The following DLC1 variants were observed in gnomAD, a reference collection of about 807,000 sequenced individuals.
DLC1 encodes the protein rho GTPase-activating protein 7.
In DLC1, 54 loss-of-function variants were observed where a neutral mutation model predicts 140.3. The observed-to-expected ratio is 0.38, with a 90% CI of 0.31 to 0.48. The LOEUF (loss-of-function observed/expected upper bound fraction) is 0.48. Ranked by LOEUF, DLC1 falls within the 20% of genes least tolerant of loss-of-function variation. DLC1 has a pLI of 0.96. For missense variants in DLC1, 2,536 were observed against 1,907.0 expected (o/e 1.33, Z -6.14); for synonymous variants, 986 against 728.1 (o/e 1.35, Z -5.70).
chr8:13,304,145 T>C (rs1307615923), intron 5 of DLC1, among the ~76,000 whole-genome samples: 2 of 152,170 alleles, frequency 1.3e-5, no homozygotes, highest in Non-Finnish European at 2.9e-5. Flanking sequence ...ATTCAATATA[T>C]GGTAAATATA....
At chr8:13,284,792 A>G (rs1480020847) in intron 5 of DLC1, among the ~76,000 whole-genome samples, 1 of 152,208 alleles carries the variant, frequency 6.6e-6, no homozygotes, top group Non-Finnish European at 1.5e-5. Context: ...ATGATTAAAA[A>G]TATGAAATAC....
chr8:13,152,249 A>T (rs1310599119), intron 5 of DLC1, among the ~76,000 whole-genome samples: 1 of 152,230 alleles, frequency 6.6e-6, no homozygotes, highest in Non-Finnish European at 1.5e-5. Flanking sequence ...AATGACCCAG[A>T]AGTTACCATC....
At chr8:13,493,491 T>C (rs1393856351) in intron 2 of DLC1, among the ~76,000 whole-genome samples, 4 of 152,206 alleles carry the variant, frequency 2.6e-5, no homozygotes, top group Admixed American at 2.6e-4. Flanking sequence ...ATACAATGTT[T>C]AGTGATCAGA....
intron 5 of DLC1, among the ~76,000 whole-genome samples, chr8:13,292,269 G>C (rs1831784845): frequency 6.6e-6 from 1 of 152,100 alleles, no homozygotes; most frequent in Non-Finnish European, 1.5e-5. Context: ...AGAAAGTCCA[G>C]GCCACTCCCT....
intron 13 of DLC1, 42 bp from the exon 14 acceptor site, chr8:13,091,474 A>G (rs1472843038): frequency 6.5e-7 from 1 of 1,545,276 alleles, no homozygotes; most frequent in African/African-American, 1.4e-5. Flanking sequence ...TCAAATATTT[A>G]TATATTTTTC....
At chr8:13,381,580 C>T (rs1275022178) in intron 4 of DLC1, among the ~76,000 whole-genome samples, 1 of 152,156 alleles carries the variant, frequency 6.6e-6, no homozygotes, top group East Asian at 1.9e-4. Flanking sequence ...TCTGGAGGAA[C>T]AAAGCTTCTA....
intron 5 of DLC1, among the ~76,000 whole-genome samples, chr8:13,164,538 G>A (rs78016006): frequency 6.6e-6 from 1 of 151,952 alleles, no homozygotes; most frequent in Non-Finnish European, 1.5e-5. Context: ...CCCTTTGAAG[G>A]TCCTCTTGGC....
intron 2 of DLC1, among the ~76,000 whole-genome samples, chr8:13,405,528 T>A (rs1286650545): frequency 6.6e-6 from 1 of 151,696 alleles, no homozygotes; most frequent in Non-Finnish European, 1.5e-5. Context: ...CTCCAGGGAG[T>A]TTTTAAAATC....
chr8:13,424,478 G>A (rs1838464535), intron 2 of DLC1, among the ~76,000 whole-genome samples: 1 of 152,086 alleles, frequency 6.6e-6, no homozygotes, highest in Non-Finnish European at 1.5e-5. Context: ...GACAGAGAGA[G>A]ACTCTGTCTC....
At chr8:13,424,013 G>A (rs1033228327) in intron 2 of DLC1, among the ~76,000 whole-genome samples, 2 of 152,114 alleles carry the variant, frequency 1.3e-5, no homozygotes, top group African/African-American at 4.8e-5. Flanking sequence ...TATAAAAATA[G>A]AAAGTAAATT....
At chr8:13,339,173 T>C (rs1833929802) in intron 4 of DLC1, among the ~76,000 whole-genome samples, 1 of 152,210 alleles carries the variant, frequency 6.6e-6, no homozygotes. Flanking sequence ...TCAGTTGCCA[T>C]GAGATTAAAA....
chr8:13,390,804 A>G (rs113583375), intron 4 of DLC1, among the ~76,000 whole-genome samples: 2,479 of 152,124 alleles, frequency 0.016, 90 homozygotes, highest in African/African-American at 0.055. Flanking sequence ...TGGCTAACAC[A>G]GTGAAACCGT....
chr8:13,499,813 C>G lies in DLC1; in HGVS notation c.259G>C (p.Glu87Gln), dbSNP rs75294096. The change falls in exon 2 of 18, where the codon GAA becomes CAA. Residue 87 changes from glutamate (E) to glutamine (Q), a missense_variant. Transcript: ENST00000276297. ...PMGHLSKDVD[E>Q]NDSHEGEDQF... ...TCTTCACCTTCATGGCTGTCATTTT[C>G]GTCCACATCCTTTGAAAGATGACCC... 6.2e-7 allele frequency: 1 copy of G among 1,614,008 alleles called. No homozygotes were observed. The highest frequency in any genetic ancestry group is 1.7e-5 in the Admixed American group (1 of 60,014).
chr8:13,273,725 TGTGTAAGGGGG>T (rs1831045005), intron 5 of DLC1, among the ~76,000 whole-genome samples: 1 of 104,474 alleles, frequency 9.6e-6, no homozygotes, highest in Non-Finnish European at 1.9e-5. Context: ...TGTGTGTGTG[TGTGTAAGGGGG>T]AAGGGGGGAG....
chr8:13,252,732 T>A (rs1230591913), intron 5 of DLC1, among the ~76,000 whole-genome samples: 1 of 152,140 alleles, frequency 6.6e-6, no homozygotes, highest in African/African-American at 2.4e-5. Context: ...AAGATCATCA[T>A]GTGGAAAAAT....
intron 4 of DLC1, among the ~76,000 whole-genome samples, chr8:13,379,875 C>T (rs901959748): frequency 2.0e-5 from 3 of 152,126 alleles, no homozygotes; most frequent in Non-Finnish European, 4.4e-5. Flanking sequence ...AACCATCATT[C>T]TCAGCAAACT....
Position 13,121,686 on chromosome 8 carries a change from C to T in DLC1, c.1349-6029G>A, listed in dbSNP as rs867102673. Reference sequence around the variant, plus strand: ...GCCTCAGCCTCCTGAGTAGCTGGGACTACAGGTGTGTACCACCATGCCTGG... The same window carrying T: ...GCCTCAGCCTCCTGAGTAGCTGGGATTACAGGTGTGTACCACCATGCCTGG... On this transcript the variant is annotated intron_variant, in intron 5 of 17. Transcript: ENST00000276297. 2.0e-5 allele frequency among the ~76,000 whole-genome samples: 3 copies of T among 151,840 alleles called. No individual in the cohort carries two copies. The South Asian group carries it at 6.3e-4, about 32-fold the overall frequency.
rs116689812 is a variant in DLC1, at chr8:13,461,893, C to T, written c.1023+37156G>A. On this transcript the variant is annotated intron_variant, in intron 2 of 17. Transcript: ENST00000276297. ...ATTTGAGGATGCAGCCTGTGACATG[C>T]TGTGTGATGCTTCTGTGGATCTACC... Among the ~76,000 whole-genome samples, 474 of 152,266 alleles carry T rather than the reference C, an allele frequency of 3.1e-3. 5 individuals carry two copies. Among genetic ancestry groups the T allele is most frequent in the African/African-American group, 7.7e-3 (319 of 41,560 alleles).
At chr8:13,571,853 G>A (rs906660368) in intron 1 of DLC1, among the ~76,000 whole-genome samples, 1 of 152,174 alleles carries the variant, frequency 6.6e-6, no homozygotes, top group African/African-American at 2.4e-5. Context: ...ATTTTTTCAC[G>A]TCCTTGCCAA....
Sources: gnomAD v4.1 joint callset for allele counts (sites outside exome capture counted in the v4.1 genomes callset) on GRCh38, gnomAD v4.1.1 for gene constraint, MANE v1.5 for transcripts, NCBI Gene and HGNC (gene_info 2026-07-23, HGNC 2026-07-21) for gene names.